GRM7: variants seen among roughly 807,000 people sequenced by gnomAD.
GRM7 encodes the protein glutamate metabotropic receptor 7.
In GRM7, 35 loss-of-function variants were observed where a neutral mutation model predicts 84.5. The ratio of observed to expected loss-of-function variants is 0.41; its 90% CI spans 0.32 to 0.55. GRM7 has a LOEUF of 0.55. Among genes scored for constraint, GRM7 ranks in the 20% least tolerant of loss-of-function variants. GRM7 has a pLI of 0.19. For synonymous variants in GRM7, 487 were observed against 455.1 expected, an observed-to-expected ratio of 1.07 and a Z score of -0.89; for missense variants, 1,003 against 1,194.6, an observed-to-expected ratio of 0.84 and a Z score of 2.36.
At chr3:7,164,695 G>T (rs904827749) in intron 2 of GRM7, among the ~76,000 whole-genome samples, 1 of 152,152 alleles carries the variant, frequency 6.6e-6, no homozygotes, top group Non-Finnish European at 1.5e-5. Context: ...ATAAAGTAAT[G>T]AACTGGAAAT....
At chr3:7,402,855 A>G (rs1338829198) in intron 4 of GRM7, among the ~76,000 whole-genome samples, 2 of 151,684 alleles carry the variant, frequency 1.3e-5, no homozygotes, top group East Asian at 3.9e-4. Flanking sequence ...TTGCATATGA[A>G]AAGTCTTTCC....
At chr3:7,351,538 G>T (rs1693148416) in intron 4 of GRM7, among the ~76,000 whole-genome samples, 1 of 152,018 alleles carries the variant, frequency 6.6e-6, no homozygotes, top group Admixed American at 6.6e-5. Flanking sequence ...GTCTGTGAGG[G>T]TATCTCCAGA....
intron 1 of GRM7, among the ~76,000 whole-genome samples, chr3:6,864,020 G>A (rs1694855465): frequency 6.6e-6 from 1 of 152,102 alleles, no homozygotes; most frequent in African/African-American, 2.4e-5. Flanking sequence ...AAAGGGGTGG[G>A]GGGCTGGCCT....
At chr3:7,326,897 C>A (rs1701010826) in intron 4 of GRM7, among the ~76,000 whole-genome samples, 1 of 151,736 alleles carries the variant, frequency 6.6e-6, no homozygotes, top group Non-Finnish European at 1.5e-5. Flanking sequence ...CACTATAATT[C>A]CTTAAAGATA....
intron 9 of GRM7, among the ~76,000 whole-genome samples, chr3:7,729,057 TTTC>T (rs796273085): frequency 0.14 from 1,791 of 12,902 alleles, 30 homozygotes; most frequent in Admixed American, 0.18. Context: ...TTTTTTTTTT[TTTC>T]CCCATAGTTT....
At chr3:7,551,426 C>T (rs1693468892) in intron 7 of GRM7, among the ~76,000 whole-genome samples, 1 of 152,040 alleles carries the variant, frequency 6.6e-6, no homozygotes, top group Non-Finnish European at 1.5e-5. Flanking sequence ...TATTGCTATT[C>T]CTGTGAGTAG....
At chr3:7,352,129 C>A in intron 4 of GRM7, among the ~76,000 whole-genome samples, 1 of 150,116 alleles carries the variant, frequency 6.7e-6, no homozygotes, top group South Asian at 2.1e-4. Flanking sequence ...GTCTGGAGAA[C>A]CCTGACTAAT....
intron 8 of GRM7, among the ~76,000 whole-genome samples, chr3:7,579,847 A>G (rs1695164126): frequency 1.3e-5 from 2 of 152,178 alleles, no homozygotes; most frequent in Admixed American, 1.3e-4. Context: ...GCTTTACAAC[A>G]GAGTAGAGTT....
intron 1 of GRM7, among the ~76,000 whole-genome samples, chr3:6,933,658 G>A (rs1697584952): frequency 6.6e-6 from 1 of 151,214 alleles, no homozygotes; most frequent in Admixed American, 6.6e-5. Flanking sequence ...CTCCTTGAAA[G>A]AATAAAGATC....
At chr3:6,932,755 T>C (rs1426031863) in intron 1 of GRM7, among the ~76,000 whole-genome samples, 25 of 114,598 alleles carry the variant, frequency 2.2e-4, no homozygotes, top group African/African-American at 5.9e-4. Context: ...TTCTCTCTTT[T>C]TTTTTTTTTT....
chr3:7,377,191 A>G (rs565078577), intron 4 of GRM7, among the ~76,000 whole-genome samples: 1 of 151,976 alleles, frequency 6.6e-6, no homozygotes, highest in African/African-American at 2.4e-5. Flanking sequence ...GGGAGAACAT[A>G]TTGAGATTTA....
At chr3:7,420,280 GTT>G (rs59506442) in intron 5 of GRM7, among the ~76,000 whole-genome samples, 127,356 of 151,984 alleles carry the variant, frequency 0.84, 53,479 homozygotes, top group Non-Finnish European at 0.85. Context: ...ATACTGATTA[GTT>G]TTTTTATACT....
chr3:7,659,186 C>A (rs1699325720), intron 8 of GRM7, among the ~76,000 whole-genome samples: 1 of 152,142 alleles, frequency 6.6e-6, no homozygotes, highest in Non-Finnish European at 1.5e-5. Context: ...TCCCCATGAG[C>A]AGAAATGAAT....
At chr3:6,904,860 A>G (rs1696511550) in intron 1 of GRM7, among the ~76,000 whole-genome samples, 1 of 152,022 alleles carries the variant, frequency 6.6e-6, no homozygotes, top group Non-Finnish European at 1.5e-5. Flanking sequence ...AATTAGAACT[A>G]CAGGCACATA....
intron 6 of GRM7, among the ~76,000 whole-genome samples, chr3:7,458,973 G>C (rs1290047528): frequency 6.6e-6 from 1 of 152,074 alleles, no homozygotes; most frequent in Non-Finnish European, 1.5e-5. Context: ...AAATCAGAAA[G>C]CCAATATTAA....
intron 3 of GRM7, among the ~76,000 whole-genome samples, chr3:7,305,343 C>CTTT (rs1258984449): frequency 2.9e-5 from 1 of 34,982 alleles, no homozygotes; most frequent in Non-Finnish European, 1.0e-4. Flanking sequence ...TTTTTTTTTT[C>CTTT]TTTTTTTTTT....
At chr3:7,130,622 T>G (rs1031882800) in intron 1 of GRM7, among the ~76,000 whole-genome samples, 3 of 151,664 alleles carry the variant, frequency 2.0e-5, no homozygotes, top group African/African-American at 7.3e-5. Context: ...AAATCTTCCC[T>G]GAAGCAAACT....
chr3:7,242,041 G>A (rs553260349), intron 2 of GRM7, among the ~76,000 whole-genome samples: 5 of 152,276 alleles, frequency 3.3e-5, no homozygotes, highest in Admixed American at 6.5e-5. Flanking sequence ...TTATCTCTGA[G>A]GAAACTGAAC....
At chr3:7,455,120 AC>A (rs1012898359) in intron 6 of GRM7, among the ~76,000 whole-genome samples, 3 of 152,124 alleles carry the variant, frequency 2.0e-5, no homozygotes, top group African/African-American at 7.2e-5. Flanking sequence ...CAACTCTGGG[AC>A]CCCAGTGGAT....
Sources: gnomAD v4.1 joint callset for allele counts (sites outside exome capture counted in the v4.1 genomes callset) on GRCh38, gnomAD v4.1.1 for gene constraint, MANE v1.5 for transcripts, NCBI Gene and HGNC (gene_info 2026-07-23, HGNC 2026-07-21) for gene names.